GRID2: variants seen among roughly 807,000 people sequenced by gnomAD.
GRID2 encodes glutamate ionotropic receptor delta type subunit 2.
A neutral mutation model predicts 114.8 loss-of-function variants in GRID2; 33 were observed. The observed-to-expected ratio is 0.29, with a 90% confidence interval of 0.22 to 0.38. GRID2 has a LOEUF of 0.38. Ranked by LOEUF, GRID2 falls within the 10% of genes least tolerant of loss-of-function variation. GRID2 has a pLI of 1.00. For missense variants in GRID2, 1,184 were observed against 1,257.7 expected (o/e 0.94, Z 0.89); for synonymous variants, 505 against 449.9 (o/e 1.12, Z -1.55).
intron 8 of GRID2, among the ~76,000 whole-genome samples, chr4:93,294,470 G>A (rs1302211206): frequency 6.6e-6 from 1 of 152,164 alleles, no homozygotes; most frequent in African/African-American, 2.4e-5. Flanking sequence ...GAGTGTGTGT[G>A]TGTGTACACA....
At chr4:93,158,930 A>G (rs1309627705) in intron 4 of GRID2, among the ~76,000 whole-genome samples, 2 of 151,616 alleles carry the variant, frequency 1.3e-5, no homozygotes, top group Non-Finnish European at 3.0e-5. Context: ...CTGACTCTAA[A>G]TGTTACATTT....
intron 1 of GRID2, among the ~76,000 whole-genome samples, chr4:92,505,999 G>C (rs1345432942): frequency 6.6e-6 from 1 of 151,968 alleles, no homozygotes; most frequent in Non-Finnish European, 1.5e-5. Context: ...TATAGATTAA[G>C]AATGGCAGTT....
intron 1 of GRID2, among the ~76,000 whole-genome samples, chr4:92,414,151 C>G (rs191605482): frequency 1.2e-4 from 19 of 152,236 alleles, no homozygotes; most frequent in Admixed American, 1.3e-4. Context: ...AATCTTGCTG[C>G]ACCTTGTATC....
intron 1 of GRID2, among the ~76,000 whole-genome samples, chr4:92,496,603 C>T (rs551498241): frequency 6.6e-6 from 1 of 151,272 alleles, no homozygotes; most frequent in South Asian, 2.1e-4. Context: ...TCAGTCTTTC[C>T]CAACCATGTT....
At chr4:93,603,334 C>T (rs1022756866) in intron 13 of GRID2, among the ~76,000 whole-genome samples, 4 of 152,186 alleles carry the variant, frequency 2.6e-5, no homozygotes, top group African/African-American at 9.7e-5. Context: ...TAAGCAAAAG[C>T]CTAAGCCAGA....
chr4:93,567,155 A>G (rs538192363), intron 13 of GRID2, among the ~76,000 whole-genome samples: 1 of 152,350 alleles, frequency 6.6e-6, no homozygotes, highest in East Asian at 1.9e-4. Flanking sequence ...TTTAAAAGCA[A>G]TGATGGTTTA....
intron 1 of GRID2, among the ~76,000 whole-genome samples, chr4:92,346,706 G>T (rs1029908292): frequency 1.3e-5 from 2 of 152,030 alleles, no homozygotes; most frequent in Non-Finnish European, 2.9e-5. Context: ...ACAATATTTT[G>T]CAGTAAAAGT....
chr4:92,387,972 A>G (rs986041462), intron 1 of GRID2, among the ~76,000 whole-genome samples: 3 of 152,060 alleles, frequency 2.0e-5, no homozygotes, highest in African/African-American at 7.2e-5. Flanking sequence ...ATTACTGTAA[A>G]ACAAATGCTC....
At chr4:93,368,580 G>A (rs908240565) in intron 8 of GRID2, among the ~76,000 whole-genome samples, 1 of 152,026 alleles carries the variant, frequency 6.6e-6, no homozygotes, top group Non-Finnish European at 1.5e-5. Context: ...ACAGGCCCCG[G>A]TGTGTGATGT....
intron 4 of GRID2, among the ~76,000 whole-genome samples, chr4:93,196,225 A>G (rs544409047): frequency 6.6e-6 from 1 of 152,272 alleles, no homozygotes; most frequent in African/African-American, 2.4e-5. Flanking sequence ...TATGGAAGAA[A>G]CTATGAAAGA....
chr4:93,003,388 CCTGT>C (rs1160740372), intron 2 of GRID2, among the ~76,000 whole-genome samples: 4 of 151,846 alleles, frequency 2.6e-5, no homozygotes, highest in Non-Finnish European at 2.9e-5. Context: ...CAACTGGAAA[CCTGT>C]CTAACACAAA....
At chr4:93,581,999 G>T (rs1737029455) in intron 13 of GRID2, among the ~76,000 whole-genome samples, 1 of 152,076 alleles carries the variant, frequency 6.6e-6, no homozygotes, top group Non-Finnish European at 1.5e-5. Flanking sequence ...CATATTTTGT[G>T]CTCCATGTAT....
At chr4:93,621,592 T>A (rs919920743) in intron 13 of GRID2, among the ~76,000 whole-genome samples, 3 of 152,194 alleles carry the variant, frequency 2.0e-5, no homozygotes, top group African/African-American at 7.2e-5. Context: ...TCAGATGGAT[T>A]GAAAATTTTT....
chr4:92,618,498 T>C (rs1011988759), intron 2 of GRID2, among the ~76,000 whole-genome samples: 6 of 151,770 alleles, frequency 4.0e-5, no homozygotes, highest in Non-Finnish European at 8.8e-5. Context: ...ATAGATCCTT[T>C]TGTGGTTTCA....
intron 10 of GRID2, among the ~76,000 whole-genome samples, chr4:93,430,215 C>G (rs1166688642): frequency 6.6e-6 from 1 of 152,126 alleles, no homozygotes; most frequent in African/African-American, 2.4e-5. Context: ...GAGTCCCACT[C>G]TGTTGCCCAG....
At chr4:92,570,684 C>A (rs1311109164) in intron 1 of GRID2, among the ~76,000 whole-genome samples, 1 of 146,416 alleles carries the variant, frequency 6.8e-6, no homozygotes, top group Admixed American at 6.7e-5. Context: ...CTTGTTATCT[C>A]CTAGGTATTT....
intron 2 of GRID2, among the ~76,000 whole-genome samples, chr4:92,928,161 A>G (rs1248290913): frequency 6.6e-6 from 1 of 151,746 alleles, no homozygotes; most frequent in Non-Finnish European, 1.5e-5. Context: ...CAGGTGCAAT[A>G]GAAAAACCAC....
At chr4:92,352,746 C>A (rs1728129944) in intron 1 of GRID2, among the ~76,000 whole-genome samples, 1 of 151,842 alleles carries the variant, frequency 6.6e-6, no homozygotes, top group Non-Finnish European at 1.5e-5. Context: ...TTTGCCTATA[C>A]TTTAATTGGG....
At chr4:93,172,642 A>G (rs936103748) in intron 4 of GRID2, among the ~76,000 whole-genome samples, 7 of 152,128 alleles carry the variant, frequency 4.6e-5, no homozygotes, top group African/African-American at 1.4e-4. Context: ...TGGAAAATAT[A>G]TCTAATCAAA....
Sources: allele counts gnomAD v4.1 joint callset (sites outside exome capture counted in the v4.1 genomes callset), GRCh38; gene constraint gnomAD v4.1.1; transcripts MANE v1.5; gene names NCBI Gene and HGNC (gene_info 2026-07-23, HGNC 2026-07-21).